Variants in ELAPOR2 observed in about 807,000 individuals in gnomAD.
The protein encoded by ELAPOR2 is endosome/lysosome-associated apoptosis and autophagy regulator family member 2.
In ELAPOR2, 89 loss-of-function variants were observed where a neutral mutation model predicts 120.7. That is an observed-to-expected ratio of 0.74 (90% confidence interval 0.62 to 0.88). The LOEUF is 0.88. ELAPOR2 is among the 40% of genes least tolerant of loss of function. The probability of loss-of-function intolerance (pLI) is 0.00; values close to 1 mark genes in which losing one functional copy is unlikely to be tolerated. For synonymous variants in ELAPOR2, 444 were observed against 444.9 expected (o/e 1.00, Z 0.03); for missense variants, 1,134 against 1,251.6 (o/e 0.91, Z 1.42).
At chr7:86,949,568 C>T (rs1489875104) in intron 2 of ELAPOR2, among the ~76,000 whole-genome samples, 1 of 152,188 alleles carries the variant, frequency 6.6e-6, no homozygotes, top group African/African-American at 2.4e-5. Flanking sequence ...CTACCCAAGC[C>T]ATGGCTGTGG....
intron 21 of ELAPOR2, among the ~76,000 whole-genome samples, chr7:86,886,847 A>C (rs1477138986): frequency 6.6e-6 from 1 of 152,032 alleles, no homozygotes; most frequent in East Asian, 1.9e-4. Flanking sequence ...GTTCTACTAC[A>C]TGTTGGGCCT....
chr7:86,905,112 AAGGAAGGAAGGAAG>A (rs1360302861), intron 18 of ELAPOR2, among the ~76,000 whole-genome samples: 2 of 149,546 alleles, frequency 1.3e-5, no homozygotes, highest in African/African-American at 5.0e-5. Context: ...GGAAGGAAGG[AAGGAAGGAAGGAAG>A]GAAAGAAAGA....
At chr7:86,983,541 TAAAGA>T (rs1225133339) in intron 1 of ELAPOR2, among the ~76,000 whole-genome samples, 3 of 152,166 alleles carry the variant, frequency 2.0e-5, no homozygotes, top group African/African-American at 7.2e-5. Flanking sequence ...TCAACATTCT[TAAAGA>T]AAAGAATTTG....
intron 1 of ELAPOR2, among the ~76,000 whole-genome samples, chr7:86,980,478 C>T (rs1792429286): frequency 6.6e-6 from 1 of 152,194 alleles, no homozygotes; most frequent in Non-Finnish European, 1.5e-5. Flanking sequence ...CGGACACCTT[C>T]CCTAGTCAGT....
At chr7:86,926,676 C>T in intron 9 of ELAPOR2, 60 bp downstream of exon 9, 1 of 1,454,962 alleles carries the variant, frequency 6.9e-7, no homozygotes, top group Admixed American at 2.1e-5. Context: ...AAAATGGTCA[C>T]AGTAGTCCAA....
intron 20 of ELAPOR2, 86 bp from the exon 21 acceptor site, chr7:86,891,975 CTCAT>C: frequency 1.0e-5 from 9 of 866,154 alleles, no homozygotes; most frequent in Non-Finnish European, 1.5e-5. Flanking sequence ...AATATACCAG[CTCAT>C]TAAATTGACT....
At chr7:87,040,102 C>T (rs1458404935) in intron 1 of ELAPOR2, among the ~76,000 whole-genome samples, 2 of 152,272 alleles carry the variant, frequency 1.3e-5, no homozygotes, top group Non-Finnish European at 2.9e-5. Flanking sequence ...ATATCCCGCA[C>T]CTGGCTCGGA....
chr7:86,921,035 T>C (rs1789806792), intron 10 of ELAPOR2, among the ~76,000 whole-genome samples: 1 of 152,092 alleles, frequency 6.6e-6, no homozygotes, highest in African/African-American at 2.4e-5. Flanking sequence ...TGGTGTTCAG[T>C]GCTTCTTTTG....
At chr7:87,032,023 G>T (rs979366884) in intron 1 of ELAPOR2, among the ~76,000 whole-genome samples, 1 of 152,136 alleles carries the variant, frequency 6.6e-6, no homozygotes, top group Admixed American at 6.5e-5. Flanking sequence ...TGGCTGCCTA[G>T]GGACAGAGTG....
At chr7:86,927,885 TA>T (rs1305282126) in intron 8 of ELAPOR2, among the ~76,000 whole-genome samples, 1 of 152,056 alleles carries the variant, frequency 6.6e-6, no homozygotes, top group African/African-American at 2.4e-5. Flanking sequence ...TTTTCTCCTT[TA>T]AAACAACTTC....
At chr7:87,022,874 C>G (rs1265543755) in intron 1 of ELAPOR2, among the ~76,000 whole-genome samples, 4 of 152,022 alleles carry the variant, frequency 2.6e-5, no homozygotes, top group African/African-American at 4.8e-5. Flanking sequence ...GTATAAATGT[C>G]TTCTTTTGAG....
In ELAPOR2 at chr7:86,909,782, G is replaced by C. The variant is rs760772426; in HGVS notation, c.2359+30C>G. Reference sequence around the variant, plus strand: ...TAGCATAATTTAAGAATAAATGTATGCATGCATATATGAACCAAAGGAAGC... The same window carrying C: ...TAGCATAATTTAAGAATAAATGTATCCATGCATATATGAACCAAAGGAAGC... On this transcript the variant is annotated intron_variant, in intron 16 of 21. Coordinates refer to ENST00000450689, the MANE Select transcript of ELAPOR2 (RefSeq NM_001142749.3). 6.6e-6 allele frequency: 10 copies of C among 1,515,272 alleles called. No homozygotes were observed. In the African/African-American group the frequency reaches 1.4e-4, roughly 21 times the overall value. 93.9% of individuals were successfully genotyped at this position (1,515,272 alleles called of 1,614,324 possible). A position where few individuals can be genotyped will look rare whatever the true frequency, so the allele number is the denominator to read the frequency against.
At chr7:86,976,400 T>C (rs1317399101) in intron 1 of ELAPOR2, among the ~76,000 whole-genome samples, 3 of 152,190 alleles carry the variant, frequency 2.0e-5, no homozygotes, top group Admixed American at 6.5e-5. Context: ...GTTCAGTCTA[T>C]GAAGTAACAG....
chr7:86,888,034 C>T (rs573053871), intron 21 of ELAPOR2, among the ~76,000 whole-genome samples: 1 of 152,152 alleles, frequency 6.6e-6, no homozygotes, highest in South Asian at 2.1e-4. Flanking sequence ...CTAGTGATAG[C>T]CCACCCAGAA....
chr7:86,996,349 G>A lies in ELAPOR2; in HGVS notation c.190-31325C>T, dbSNP rs1793122451. On this transcript the variant is annotated intron_variant, in intron 1 of 21. Transcript: ENST00000450689. ...GAGAAATGGACCAACAGGAGGAGAA[G>A]CCAGCCACAGAGAGAAGGAGCCCAA... Among the ~76,000 whole-genome samples, 4 of 152,104 alleles carry A rather than the reference G, an allele frequency of 2.6e-5. No homozygotes were observed. The South Asian group carries it at 8.3e-4, about 31-fold the overall frequency.
chr7:86,919,381 G>T, intron 10 of ELAPOR2, 71 bp from the exon 11 acceptor site: 1 of 870,592 alleles, frequency 1.1e-6, no homozygotes. Flanking sequence ...GTTTAAATAA[G>T]GTAAAAATAA....
intron 1 of ELAPOR2, among the ~76,000 whole-genome samples, chr7:86,983,202 T>C (rs891563664): frequency 2.0e-5 from 3 of 152,206 alleles, no homozygotes; most frequent in Non-Finnish European, 2.9e-5. Context: ...AGACCAAATC[T>C]ACATTTGATT....
chr7:86,891,475 A>G, intron 21 of ELAPOR2: 1 of 385,898 alleles, frequency 2.6e-6, no homozygotes. Context: ...AGAGTTGCAT[A>G]GTATTCTATC....
chr7:86,884,652 C>G (rs1799602859), intron 21 of ELAPOR2, among the ~76,000 whole-genome samples: 1 of 152,018 alleles, frequency 6.6e-6, no homozygotes, highest in South Asian at 2.1e-4. Context: ...GAGGTTTCAC[C>G]CTCTTTTAGA....
Sources: gnomAD v4.1 joint callset for allele counts (sites outside exome capture counted in the v4.1 genomes callset) on GRCh38, gnomAD v4.1.1 for gene constraint, MANE v1.5 for transcripts, NCBI Gene and HGNC (gene_info 2026-07-23, HGNC 2026-07-21) for gene names.